MAF: variants seen among roughly 807,000 people sequenced by gnomAD.
MAF encodes MAF bZIP transcription factor.
Under a neutral mutation model 22.0 loss-of-function variants are expected in MAF, and 10 were observed. The ratio of observed to expected loss-of-function variants is 0.45; its 90% CI spans 0.28 to 0.77. The LOEUF (loss-of-function observed/expected upper bound fraction) is 0.77, where lower values mean the gene tolerates loss of function less well. MAF is among the 30% of genes least tolerant of loss of function. MAF has a pLI of 0.12. For missense variants in MAF, 544 were observed against 548.4 expected, an observed-to-expected ratio of 0.99 and a Z score of 0.08; for synonymous variants, 337 against 255.8, an observed-to-expected ratio of 1.32 and a Z score of -3.03.
chr16:79,229,255 C>T, the MAF span: 1 of 151,772 alleles, frequency 6.6e-6, no homozygotes, highest in African/African-American at 2.4e-5. Context: ...CCTCTCCCAA[C>T]CCCTTGGAAA....
At chr16:79,345,170 G>C in the MAF span, among the ~76,000 whole-genome samples, 1 of 150,216 alleles carries the variant, frequency 6.7e-6, no homozygotes, top group African/African-American at 2.5e-5. Context: ...CCTGCTGAAT[G>C]ATTTGTATAG....
At chr16:79,256,572 A>G in the MAF span, among the ~76,000 whole-genome samples, 2 of 152,168 alleles carry the variant, frequency 1.3e-5, no homozygotes, top group Non-Finnish European at 2.9e-5. Context: ...CTGAGTTGAC[A>G]GTGAGATGAC....
At chr16:79,243,917 C>A in the MAF span, among the ~76,000 whole-genome samples, 3 of 151,904 alleles carry the variant, frequency 2.0e-5, no homozygotes, top group African/African-American at 4.8e-5. Flanking sequence ...TCAACATATG[C>A]AAATCAATAA....
At chr16:79,518,957 T>A in the MAF span, among the ~76,000 whole-genome samples, 1 of 152,134 alleles carries the variant, frequency 6.6e-6, no homozygotes, top group Non-Finnish European at 1.5e-5. Flanking sequence ...ATAAGCTTTA[T>A]AAATCTTAGC....
the MAF span, among the ~76,000 whole-genome samples, chr16:79,268,043 G>A: frequency 8.5e-5 from 13 of 152,166 alleles, no homozygotes; most frequent in African/African-American, 2.9e-4. Flanking sequence ...TCCCCTCTAG[G>A]GGAGCTGGGT....
the MAF span, among the ~76,000 whole-genome samples, chr16:79,286,621 A>G: frequency 6.6e-6 from 1 of 152,326 alleles, no homozygotes; most frequent in Admixed American, 6.5e-5. Flanking sequence ...AGACACATCT[A>G]TTGAAATATC....
the MAF span, among the ~76,000 whole-genome samples, chr16:79,402,699 G>C: frequency 6.6e-6 from 1 of 152,252 alleles, no homozygotes; most frequent in Non-Finnish European, 1.5e-5. Context: ...TGGCAGGGCA[G>C]GTTTCTGGAG....
chr16:79,245,195 A>G, the MAF span, among the ~76,000 whole-genome samples: 1 of 152,110 alleles, frequency 6.6e-6, no homozygotes, highest in African/African-American at 2.4e-5. Context: ...AGCCATGGCA[A>G]CAAAAGCCAA....
At chr16:79,533,547 C>G in the MAF span, among the ~76,000 whole-genome samples, 1 of 152,078 alleles carries the variant, frequency 6.6e-6, no homozygotes, top group Non-Finnish European at 1.5e-5. Flanking sequence ...AGGAAGACGG[C>G]AGGGGGAGGG....
chr16:79,273,833 T>C, the MAF span, among the ~76,000 whole-genome samples: 1 of 152,202 alleles, frequency 6.6e-6, no homozygotes, highest in Non-Finnish European at 1.5e-5. Context: ...CCATGTAATA[T>C]AGCATATTCA....
chr16:79,454,193 T>C, the MAF span, among the ~76,000 whole-genome samples: 4 of 152,224 alleles, frequency 2.6e-5, no homozygotes, highest in African/African-American at 4.8e-5. Flanking sequence ...CAGCAAGTCA[T>C]TGACCATGGA....
chr16:79,542,961 T>C, the MAF span, among the ~76,000 whole-genome samples: 26 of 152,284 alleles, frequency 1.7e-4, no homozygotes, highest in Non-Finnish European at 3.1e-4. Context: ...CCTTACAGGA[T>C]TGCATATGTG....
the MAF span, among the ~76,000 whole-genome samples, chr16:79,223,045 C>T: frequency 6.6e-6 from 1 of 152,176 alleles, no homozygotes; most frequent in South Asian, 2.1e-4. Context: ...GAACTCTCCA[C>T]CGCAAATCAA....
chr16:79,359,355 A>T, the MAF span, among the ~76,000 whole-genome samples: 1 of 152,202 alleles, frequency 6.6e-6, no homozygotes, highest in East Asian at 1.9e-4. Flanking sequence ...TTAACAGGAA[A>T]TTCTAGGGCA....
the MAF span, among the ~76,000 whole-genome samples, chr16:79,313,057 T>C: frequency 1.3e-5 from 2 of 152,094 alleles, no homozygotes; most frequent in African/African-American, 4.8e-5. Context: ...TGAAGCAACC[T>C]ATGCACAGAC....
chr16:79,433,133 A>C, the MAF span, among the ~76,000 whole-genome samples: 1 of 152,140 alleles, frequency 6.6e-6, no homozygotes, highest in Admixed American at 6.6e-5. Context: ...CCTTTGCAAT[A>C]GTTCCTGAAT....
At chr16:79,269,456 G>T in the MAF span, among the ~76,000 whole-genome samples, 1 of 152,090 alleles carries the variant, frequency 6.6e-6, no homozygotes, top group East Asian at 1.9e-4. Flanking sequence ...TGGAGGTATG[G>T]GTGGGTGTGG....
At chr16:79,516,510 C>G in the MAF span, among the ~76,000 whole-genome samples, 1 of 152,114 alleles carries the variant, frequency 6.6e-6, no homozygotes, top group Admixed American at 6.5e-5. Context: ...AGTAAATTGT[C>G]TAAGGTCCCA....
chr16:79,561,236 A>C, the MAF span, among the ~76,000 whole-genome samples: 1 of 150,156 alleles, frequency 6.7e-6, no homozygotes, highest in Non-Finnish European at 1.5e-5. Context: ...TTGCTGGTGT[A>C]TTTTAAACAT....
Sources: gnomAD v4.1 joint callset for allele counts (sites outside exome capture counted in the v4.1 genomes callset) on GRCh38, gnomAD v4.1.1 for gene constraint, MANE v1.5 for transcripts, NCBI Gene and HGNC (gene_info 2026-07-23, HGNC 2026-07-21) for gene names.